STXBP5L: variants seen among roughly 807,000 people sequenced by gnomAD.
STXBP5L encodes syntaxin-binding protein 5-like.
A neutral mutation model predicts 144.5 loss-of-function variants in STXBP5L; 65 were observed. That is an observed-to-expected ratio of 0.45 (90% CI 0.37 to 0.55). The LOEUF (loss-of-function observed/expected upper bound fraction) is 0.55. Among genes scored for constraint, STXBP5L ranks in the 20% least tolerant of loss-of-function variants. STXBP5L has a pLI of 0.00. For missense variants in STXBP5L, 1,298 were observed against 1,405.5 expected (o/e 0.92, Z 1.22); for synonymous variants, 505 against 469.6 (o/e 1.08, Z -0.97).
chr3:121,012,802 G>A, intron 3 of STXBP5L, among the ~76,000 whole-genome samples: 1 of 151,770 alleles, frequency 6.6e-6, no homozygotes, highest in Non-Finnish European at 1.5e-5. Context: ...AGGAAACAAA[G>A]TACCTGATAG....
At chr3:121,393,318 T>C (rs556058156) in intron 22 of STXBP5L, among the ~76,000 whole-genome samples, 87 of 152,268 alleles carry the variant, frequency 5.7e-4, no homozygotes, top group African/African-American at 2.0e-3. Flanking sequence ...TCCTTGCAGA[T>C]TCTGGGTATT....
intron 20 of STXBP5L, among the ~76,000 whole-genome samples, chr3:121,334,405 A>C (rs2044430013): frequency 6.6e-6 from 1 of 152,100 alleles, no homozygotes; most frequent in African/African-American, 2.4e-5. Flanking sequence ...TGAGGTCAGC[A>C]TCATCCTGAT....
At chr3:121,186,148 G>T (rs1012185276) in intron 9 of STXBP5L, among the ~76,000 whole-genome samples, 2 of 152,190 alleles carry the variant, frequency 1.3e-5, no homozygotes, top group Non-Finnish European at 2.9e-5. Context: ...CATCGATTTT[G>T]TATCCTGAGA....
At chr3:121,322,491 A>G (rs1034786376) in intron 20 of STXBP5L, among the ~76,000 whole-genome samples, 4 of 151,646 alleles carry the variant, frequency 2.6e-5, no homozygotes, top group Non-Finnish European at 4.4e-5. Context: ...AAAAAAAAAA[A>G]AAGACATGAC....
chr3:121,066,498 T>C (rs1020721972), intron 5 of STXBP5L, among the ~76,000 whole-genome samples: 1 of 151,998 alleles, frequency 6.6e-6, no homozygotes, highest in Non-Finnish European at 1.5e-5. Context: ...AATGTGTTAA[T>C]GTGGTAAGTT....
At chr3:121,167,483 C>T (rs1194829030) in intron 9 of STXBP5L, among the ~76,000 whole-genome samples, 1 of 152,100 alleles carries the variant, frequency 6.6e-6, no homozygotes, top group Non-Finnish European at 1.5e-5. Context: ...ATAGATCCCA[C>T]TTTAGGGAAG....
chr3:121,345,664 G>A (rs1196062721), intron 20 of STXBP5L, among the ~76,000 whole-genome samples: 1 of 152,038 alleles, frequency 6.6e-6, no homozygotes, highest in Non-Finnish European at 1.5e-5. Flanking sequence ...ATCCTCTCCA[G>A]CATCTGTTGT....
intron 20 of STXBP5L, among the ~76,000 whole-genome samples, chr3:121,359,762 T>C (rs1293659921): frequency 1.3e-5 from 2 of 151,816 alleles, no homozygotes; most frequent in Non-Finnish European, 2.9e-5. Flanking sequence ...ACCGTAGGTG[T>C]GTGGATTTGT....
chr3:121,395,004 T>C (rs80276685), intron 22 of STXBP5L, among the ~76,000 whole-genome samples: 18,824 of 152,170 alleles, frequency 0.12, 1,276 homozygotes, highest in South Asian at 0.23. Context: ...TTTAGTGGCA[T>C]GAATTCAGAC....
At chr3:121,111,776 G>A (rs555584622) in intron 5 of STXBP5L, among the ~76,000 whole-genome samples, 1 of 152,324 alleles carries the variant, frequency 6.6e-6, no homozygotes, top group South Asian at 2.1e-4. Context: ...GTGGTGGGAG[G>A]AATCCCACTC....
chr3:121,336,025 C>A (rs1181163873), intron 20 of STXBP5L, among the ~76,000 whole-genome samples: 3 of 152,080 alleles, frequency 2.0e-5, no homozygotes, highest in South Asian at 2.1e-4. Flanking sequence ...ATGCATCTGA[C>A]AAAGGACTAA....
chr3:120,927,046 C>T (rs1320573693), intron 2 of STXBP5L, among the ~76,000 whole-genome samples: 2 of 151,770 alleles, frequency 1.3e-5, no homozygotes, highest in African/African-American at 4.8e-5. Context: ...AGCGGTTCTC[C>T]TGCCTCAGCC....
intron 9 of STXBP5L, among the ~76,000 whole-genome samples, chr3:121,194,877 T>A (rs2047856236): frequency 6.6e-6 from 1 of 151,700 alleles, no homozygotes; most frequent in South Asian, 2.1e-4. Flanking sequence ...TACAATCTTT[T>A]TAATTCTCTG....
Position 121,333,743 on chromosome 3 carries a change from C to T in STXBP5L, c.2176+15203C>T, listed in dbSNP as rs547400943. 2.0e-4 allele frequency among the ~76,000 whole-genome samples: 30 copies of T among 152,244 alleles called. No individual in the cohort carries two copies. The South Asian group carries it at 5.8e-3, about 29-fold the overall frequency. The stretch of plus-strand genomic sequence containing the variant: ...AGTAACCAGCAGGGACTACTATAAA[C>T]ACCTCTATGCACAGAAATTACAAAA... On this transcript the variant is annotated intron_variant, in intron 20 of 26. Transcript: ENST00000471454.
At chr3:121,347,258 G>C (rs2045033558) in intron 20 of STXBP5L, among the ~76,000 whole-genome samples, 3 of 152,156 alleles carry the variant, frequency 2.0e-5, no homozygotes, top group Admixed American at 2.0e-4. Context: ...AGATCAGATA[G>C]TTGTAGATAT....
Position 121,350,407 on chromosome 3 carries a change from C to G in STXBP5L, c.2177-28309C>G, listed in dbSNP as rs536001576. Among the ~76,000 whole-genome samples the G allele has an allele frequency of 7.9e-5, 12 of 152,240 alleles. No homozygotes were observed. In the South Asian group the frequency reaches 2.3e-3, roughly 29 times the overall value. On this transcript the variant is annotated intron_variant, in intron 20 of 26. Coordinates refer to ENST00000471454, the MANE Select transcript of STXBP5L (RefSeq NM_001308330.2). ...GCCCTTAACATTTTTTCCTTCATTT[C>G]AACTTTGGTGAATCTGACAATTATG...
intron 22 of STXBP5L, among the ~76,000 whole-genome samples, chr3:121,402,543 CTTTTTGCTT>C (rs2046904980): frequency 6.6e-6 from 1 of 152,130 alleles, no homozygotes; most frequent in African/African-American, 2.4e-5. Flanking sequence ...CTCTTGCCTC[CTTTTTGCTT>C]TGTTTGCTTT....
At chr3:121,320,925 T>C (rs1440338827) in intron 20 of STXBP5L, among the ~76,000 whole-genome samples, 1 of 152,116 alleles carries the variant, frequency 6.6e-6, no homozygotes, top group Non-Finnish European at 1.5e-5. Context: ...AGTCTCGATC[T>C]CCTGACCTGG....
chr3:121,071,729 T>C (rs943111475), intron 5 of STXBP5L, among the ~76,000 whole-genome samples: 1 of 152,208 alleles, frequency 6.6e-6, no homozygotes, highest in Non-Finnish European at 1.5e-5. Context: ...ACAGGTATTC[T>C]TTCTCTTACT....
Sources: allele counts gnomAD v4.1 joint callset (sites outside exome capture counted in the v4.1 genomes callset), GRCh38; gene constraint gnomAD v4.1.1; transcripts MANE v1.5; gene names NCBI Gene and HGNC (gene_info 2026-07-23, HGNC 2026-07-21).